The following CACNA1B variants were observed in gnomAD, a reference collection of about 807,000 sequenced individuals.
CACNA1B encodes the protein voltage-dependent N-type calcium channel subunit alpha-1B.
A neutral mutation model predicts 247.2 loss-of-function variants in CACNA1B; 70 were observed. That is an observed-to-expected ratio of 0.28 (90% CI 0.23 to 0.35). The LOEUF is 0.35. CACNA1B is among the 10% of genes least tolerant of loss of function. The pLI, the probability that CACNA1B is intolerant of heterozygous loss-of-function variation, is 1.00. For missense variants in CACNA1B, 2,367 were observed against 3,197.4 expected, an observed-to-expected ratio of 0.74 and a Z score of 6.26; for synonymous variants, 1,231 against 1,294.4, an observed-to-expected ratio of 0.95 and a Z score of 1.05.
chr9:138,021,407 C>T (rs1958843404), intron 18 of CACNA1B, among the ~76,000 whole-genome samples: 1 of 152,244 alleles, frequency 6.6e-6, no homozygotes, highest in Non-Finnish European at 1.5e-5. Context: ...GCTCCCACTG[C>T]AGCCTGGACT....
chr9:138,122,437 C>T lies in CACNA1B; in HGVS notation c.*438C>T, dbSNP rs1032859683. 2.8e-5 allele frequency: 5 copies of T among 176,972 alleles called. No homozygotes were observed. Among genetic ancestry groups the T allele is most frequent in the Admixed American group, 1.1e-4 (2 of 17,928 alleles). The allele number at this position is 176,972 out of a possible 1,614,324, so 11.0% of individuals were successfully genotyped here. A position where few individuals can be genotyped will look rare whatever the true frequency, so the allele number is the denominator to read the frequency against. ...CTGAAAGTGCGCCGAGACCTCGGGA[C>T]GGAGGGGATGGGGAGGGGGACACAG... On this transcript the variant is annotated 3_prime_UTR_variant, in exon 47 of 47. Transcript: ENST00000371372.
intron 35 of CACNA1B, 145 bp from the exon 36 acceptor site, chr9:138,077,965 GAAGA>G (rs1960384571): frequency 1.6e-6 from 1 of 620,196 alleles, no homozygotes; most frequent in African/African-American, 1.8e-5. Context: ...AGTTTCCTTT[GAAGA>G]AACAGCATCT....
At chr9:138,109,016 A>C (rs1961533751) in intron 39 of CACNA1B, among the ~76,000 whole-genome samples, 1 of 152,256 alleles carries the variant, frequency 6.6e-6, no homozygotes, top group Non-Finnish European at 1.5e-5. Flanking sequence ...AGGATAAGTT[A>C]GGTTCAGTGT....
At chr9:138,043,942 C>T (rs1959164731) in intron 21 of CACNA1B, 42 bp downstream of exon 21, 1 of 1,602,656 alleles carries the variant, frequency 6.2e-7, no homozygotes, top group African/African-American at 1.3e-5. Flanking sequence ...CGCCCACTCA[C>T]CCATGCATCA....
chr9:138,120,536 C>A, intron 45 of CACNA1B, 95 bp from the exon 46 acceptor site: 1 of 1,415,226 alleles, frequency 7.1e-7, no homozygotes, highest in Non-Finnish European at 9.3e-7. Context: ...CCCTAGCCTC[C>A]CCTGGCACCA....
chr9:137,953,957 G>T (rs1435184063), intron 7 of CACNA1B, among the ~76,000 whole-genome samples: 2 of 152,136 alleles, frequency 1.3e-5, no homozygotes, highest in Non-Finnish European at 2.9e-5. Flanking sequence ...TCAAGGGGAG[G>T]CAGGAGAGCA....
At chr9:138,000,377 C>G (rs906148499) in intron 15 of CACNA1B, among the ~76,000 whole-genome samples, 1 of 152,184 alleles carries the variant, frequency 6.6e-6, no homozygotes, top group Non-Finnish European at 1.5e-5. Context: ...GGATTACAGA[C>G]ATGAGCCACC....
rs879464130 is a variant in CACNA1B, at chr9:137,986,937, C to A, written c.1974+83C>A. 4.5e-5 allele frequency: 45 copies of A among 1,007,516 alleles called. No homozygotes were observed. Among genetic ancestry groups the A allele is most frequent in the East Asian group, 7.1e-5 (3 of 42,134 alleles). The allele number at this position is 1,007,516 out of a possible 1,614,324, so 62.4% of individuals were successfully genotyped here. A position where few individuals can be genotyped will look rare whatever the true frequency, so the allele number is the denominator to read the frequency against. The stretch of plus-strand genomic sequence containing the variant: ...TGGGAAGGCGGACTCTCCTGTCATT[C>A]CCTCCCTTGTTCCTCCACACGGCCC... On this transcript the variant is annotated intron_variant, in intron 15 of 46. Coordinates refer to ENST00000371372, the MANE Select transcript of CACNA1B (RefSeq NM_000718.4). This position sits in a 1 kb window ranked among gnomAD's most constrained non-coding sequence, Gnocchi z 6.0.
intron 6 of CACNA1B, among the ~76,000 whole-genome samples, chr9:137,920,628 T>A (rs1388952644): frequency 1.3e-5 from 2 of 152,260 alleles, no homozygotes; most frequent in Non-Finnish European, 2.9e-5. Context: ...TGGGAAGGAT[T>A]TCTCCAATGA....
At chr9:137,994,093 A>T (rs565061087) in intron 15 of CACNA1B, among the ~76,000 whole-genome samples, 18 of 152,250 alleles carry the variant, frequency 1.2e-4, no homozygotes, top group Non-Finnish European at 2.1e-4. Context: ...ATTAAAAACC[A>T]AAATCACACA....
At chr9:138,033,013 A>G (rs1959003773) in intron 20 of CACNA1B, among the ~76,000 whole-genome samples, 1 of 152,076 alleles carries the variant, frequency 6.6e-6, no homozygotes, top group Non-Finnish European at 1.5e-5. Flanking sequence ...CTCTGATGAC[A>G]TGAATATTAG....
intron 15 of CACNA1B, among the ~76,000 whole-genome samples, chr9:137,996,652 T>A: frequency 6.6e-6 from 1 of 152,054 alleles, no homozygotes; most frequent in East Asian, 1.9e-4. Flanking sequence ...TCTATCGAAA[T>A]AAAAAATAAA....
At position 138,019,679 on chromosome 9, in the gene CACNA1B, G is replaced by C. The variant is rs145410208; in HGVS notation, c.2268-3332G>C. Among the ~76,000 whole-genome samples the C allele has an allele frequency of 9.3e-4, 141 of 152,356 alleles. 1 individual carries two copies. The highest frequency in any genetic ancestry group is 2.7e-3 in the African/African-American group (114 of 41,586). ...CCCAGTGCTTCCTTGCTGGCAGCCA[G>C]CATGGAGCTGGGCTCAGTCTTTCCA... On this transcript the variant is annotated intron_variant, in intron 18 of 46. Coordinates refer to ENST00000371372, the MANE Select transcript of CACNA1B (RefSeq NM_000718.4).
Position 137,918,859 on chromosome 9 carries a change from G to A in CACNA1B, c.966+1428G>A, listed in dbSNP as rs1957446710. 3.3e-5 allele frequency among the ~76,000 whole-genome samples: 5 copies of A among 152,262 alleles called. No homozygotes were observed. The South Asian group carries it at 1.0e-3, about 31-fold the overall frequency. On this transcript the variant is annotated intron_variant, in intron 6 of 46. Coordinates refer to ENST00000371372, the MANE Select transcript of CACNA1B (RefSeq NM_000718.4). ...GAACCAGATTCCTCCTCGAGTGGGAGTCGTGTCTGATGACAGGCTTGTGTG... is the reference window on the plus strand; with the variant it reads ...GAACCAGATTCCTCCTCGAGTGGGAATCGTGTCTGATGACAGGCTTGTGTG...
intron 36 of CACNA1B, among the ~76,000 whole-genome samples, chr9:138,087,311 G>A: frequency 6.8e-6 from 1 of 147,894 alleles, no homozygotes; most frequent in African/African-American, 2.6e-5. Flanking sequence ...CTTGAACCTG[G>A]GAGGCAGAGT....
chr9:138,108,336 A>G (rs1280783465), intron 39 of CACNA1B, among the ~76,000 whole-genome samples: 1 of 150,950 alleles, frequency 6.6e-6, no homozygotes, highest in Admixed American at 6.6e-5. Context: ...AAAAAGCAAA[A>G]GCTTCATAAT....
chr9:138,023,442 C>A lies in CACNA1B; in HGVS notation c.2699C>A (p.Pro900Gln). 8.1e-7 allele frequency: 1 copy of A among 1,240,166 alleles called. No homozygotes were observed. Among genetic ancestry groups the A allele is most frequent in the South Asian group, 3.3e-5 (1 of 30,652 alleles). 76.8% of individuals were successfully genotyped at this position (1,240,166 alleles called of 1,614,324 possible). A position where few individuals can be genotyped will look rare whatever the true frequency, so the allele number is the denominator to read the frequency against. Reference protein sequence around the residue: ...RSHSKEAAGPPEARSERGRGP... With the variant: ...RSHSKEAAGPQEARSERGRGP... ...CACAGCAAGGAGGCCGCGGGGCCCC[C>A]GGAGGCGCGGAGCGAGCGCGGCCGA... Residue 900 changes from proline to glutamine, a missense_variant, in exon 19 of 47, where the codon CCG becomes CAG. Physicochemically the swap from Pro to Gln is moderately conservative, Grantham distance 76 (BLOSUM62 -1). Transcript: ENST00000371372.
chr9:137,958,575 A>G (rs543072157), intron 10 of CACNA1B, among the ~76,000 whole-genome samples: 1 of 152,182 alleles, frequency 6.6e-6, no homozygotes, highest in Admixed American at 6.5e-5. Context: ...TCGTCTGCTG[A>G]TGGCCATTTA....
At chr9:138,108,591 C>T (rs935394473) in intron 39 of CACNA1B, among the ~76,000 whole-genome samples, 10 of 152,026 alleles carry the variant, frequency 6.6e-5, no homozygotes, top group East Asian at 1.9e-4. Flanking sequence ...AAACTACAGA[C>T]GAATATCCCT....
Sources: gnomAD v4.1 joint callset for allele counts (sites outside exome capture counted in the v4.1 genomes callset) on GRCh38, gnomAD v4.1.1 for gene constraint, Gnocchi (gnomAD v3.1) non-coding constraint, MANE v1.5 for transcripts, NCBI Gene and HGNC (gene_info 2026-07-23, HGNC 2026-07-21) for gene names.